MRAP2: variants seen among roughly 807,000 people sequenced by gnomAD.
MRAP2 encodes melanocortin 2 receptor accessory protein 2.
MRAP2 carries 20 observed loss-of-function variants against 17.4 expected under a neutral mutation model. The observed-to-expected ratio is 1.15, with a 90% CI of 0.81 to 1.67. MRAP2 has a LOEUF of 1.67. Ranked by LOEUF, MRAP2 falls within the 40% of genes most tolerant of loss-of-function variation. The pLI is 0.00. For missense variants in MRAP2, 238 were observed against 240.0 expected, an observed-to-expected ratio of 0.99 and a Z score of 0.05; for synonymous variants, 96 against 88.4, an observed-to-expected ratio of 1.09 and a Z score of -0.48.
chr6:84,033,905 C>A (rs1376653624), intron 1 of MRAP2, 22 bp downstream of exon 1: 2 of 985,980 alleles, frequency 2.0e-6, no homozygotes, highest in South Asian at 4.6e-5. Context: ...CGGGACAGGG[C>A]GCCCAGGGCG....
At chr6:84,061,840 A>G in intron 2 of MRAP2, 1 of 985,470 alleles carries the variant, frequency 1.0e-6, no homozygotes, top group Non-Finnish European at 1.2e-6. Flanking sequence ...CAGACATTGT[A>G]TAAAGTGCTT....
chr6:84,064,768 T>G (rs919253134), intron 3 of MRAP2, among the ~76,000 whole-genome samples: 2 of 152,178 alleles, frequency 1.3e-5, no homozygotes, highest in East Asian at 1.9e-4. Flanking sequence ...ATTACAGGCG[T>G]GAGCCACCGC....
the MRAP2 span, among the ~76,000 whole-genome samples, chr6:84,115,206 G>A: frequency 6.6e-6 from 1 of 152,162 alleles, no homozygotes; most frequent in African/African-American, 2.4e-5. Context: ...TCTGTTCCAG[G>A]CAGATGGGTG....
chr6:84,087,196 G>A (rs2099500697), intron 3 of MRAP2, among the ~76,000 whole-genome samples: 1 of 152,198 alleles, frequency 6.6e-6, no homozygotes, highest in Non-Finnish European at 1.5e-5. Context: ...AGGGAGACAT[G>A]AGACATCGAT....
In MRAP2 at chr6:84,064,767, G is replaced by A. The variant is rs182402993; in HGVS notation, c.227+1775G>A. 4.6e-4 allele frequency among the ~76,000 whole-genome samples: 70 copies of A among 152,228 alleles called. No homozygotes were observed. In the East Asian group the frequency reaches 8.0e-3, roughly 17 times the overall value. On this transcript the variant is annotated intron_variant, in intron 3 of 3. Transcript: ENST00000257776. ...CTCCCAAAGTGCTGGGATTACAGGC[G>A]TGAGCCACCGCGCCGGGCCGAATCC...
chr6:84,138,406 G>A, the MRAP2 span, among the ~76,000 whole-genome samples: 2 of 152,174 alleles, frequency 1.3e-5, no homozygotes, highest in African/African-American at 4.8e-5. Flanking sequence ...TCACACAGAG[G>A]TGGGAATAGT....
chr6:84,125,230 T>C, the MRAP2 span: 1 of 1,613,618 alleles, frequency 6.2e-7, no homozygotes, highest in Non-Finnish European at 8.5e-7. Context: ...TTTTTCAACT[T>C]CTTTGTTTTG....
chr6:84,034,423 A>G (rs1359908737), intron 1 of MRAP2, among the ~76,000 whole-genome samples: 3 of 152,082 alleles, frequency 2.0e-5, no homozygotes, highest in African/African-American at 7.2e-5. Context: ...GCCTGCTCGC[A>G]GGTCGTGTTA....
chr6:84,109,054 A>G, the MRAP2 span, among the ~76,000 whole-genome samples: 2 of 152,074 alleles, frequency 1.3e-5, no homozygotes, highest in Non-Finnish European at 2.9e-5. Context: ...TACCAATACC[A>G]TGCTCTTTTG....
intron 1 of MRAP2, among the ~76,000 whole-genome samples, chr6:84,040,956 C>CA (rs2099487390): frequency 6.6e-6 from 1 of 152,198 alleles, no homozygotes; most frequent in South Asian, 2.1e-4. Flanking sequence ...ATTGCCAAGA[C>CA]AAAGGGGAAA....
chr6:84,111,668 C>A, the MRAP2 span, among the ~76,000 whole-genome samples: 1 of 152,188 alleles, frequency 6.6e-6, no homozygotes, highest in Admixed American at 6.5e-5. Flanking sequence ...GAGAGGGCAT[C>A]CCTGTCTTGT....
At chr6:84,041,137 C>G (rs1158936534) in intron 1 of MRAP2, among the ~76,000 whole-genome samples, 2 of 152,104 alleles carry the variant, frequency 1.3e-5, no homozygotes, top group African/African-American at 2.4e-5. Context: ...TAAAAGGGGC[C>G]AAGGCATACA....
the MRAP2 span, among the ~76,000 whole-genome samples, chr6:84,144,014 G>A: frequency 6.6e-6 from 1 of 151,892 alleles, no homozygotes; most frequent in African/African-American, 2.4e-5. Flanking sequence ...ACTAAGTATT[G>A]TTTCATAATG....
At chr6:84,092,685 C>T (rs78660474), downstream of MRAP2, among the ~76,000 whole-genome samples, 1,589 of 152,244 alleles carry the variant, frequency 0.01, 33 homozygotes, top group African/African-American at 0.036. Context: ...ACACCAAAAT[C>T]CTAGCATACT....
intron 3 of MRAP2, among the ~76,000 whole-genome samples, chr6:84,088,659 A>G (rs2099501067): frequency 6.6e-6 from 1 of 152,206 alleles, no homozygotes; most frequent in Non-Finnish European, 1.5e-5. Context: ...TCTAAACTTC[A>G]GTATGAGTAA....
At chr6:84,047,590 G>A (rs2099489380) in intron 1 of MRAP2, among the ~76,000 whole-genome samples, 1 of 152,014 alleles carries the variant, frequency 6.6e-6, no homozygotes, top group South Asian at 2.1e-4. Context: ...CAGTTCAGTG[G>A]CATTAAATAT....
the MRAP2 span, among the ~76,000 whole-genome samples, chr6:84,098,041 A>G: frequency 6.6e-6 from 1 of 152,302 alleles, no homozygotes; most frequent in African/African-American, 2.4e-5. Context: ...CAGTCAAGAA[A>G]CCATCACCAC....
the MRAP2 span, among the ~76,000 whole-genome samples, chr6:84,119,210 T>C: frequency 2.0e-5 from 3 of 152,222 alleles, no homozygotes; most frequent in Non-Finnish European, 4.4e-5. Context: ...TTTCTATTTC[T>C]GTGAAAAATA....
At chr6:84,133,810 T>C in the MRAP2 span, among the ~76,000 whole-genome samples, 1 of 152,154 alleles carries the variant, frequency 6.6e-6, no homozygotes, top group Non-Finnish European at 1.5e-5. Context: ...CCCTTGCGCT[T>C]CCTGGGTGAG....
Sources: allele counts gnomAD v4.1 joint callset (sites outside exome capture counted in the v4.1 genomes callset), GRCh38; gene constraint gnomAD v4.1.1; transcripts MANE v1.5; gene names NCBI Gene and HGNC (gene_info 2026-07-23, HGNC 2026-07-21).